Variants in LIG1 observed in about 807,000 individuals in gnomAD.
LIG1 encodes the protein ligase I, DNA, ATP-dependent.
Under a neutral mutation model 115.7 loss-of-function variants are expected in LIG1, and 70 were observed. That is an observed-to-expected ratio of 0.60 (90% CI 0.50 to 0.74). The LOEUF (loss-of-function observed/expected upper bound fraction) is 0.74. LIG1 is among the 30% of genes least tolerant of loss of function. LIG1 has a pLI of 0.00. For synonymous variants in LIG1, 487 were observed against 495.3 expected (o/e 0.98, Z 0.22); for missense variants, 1,115 against 1,225.6 (o/e 0.91, Z 1.35).
chr19:48,157,208 A>T, intron 4 of LIG1, 68 bp from the exon 5 acceptor site: 1 of 1,519,224 alleles, frequency 6.6e-7, no homozygotes, highest in Non-Finnish European at 8.9e-7. Flanking sequence ...AAAAGTTGAG[A>T]GTAGAGGGGA....
chr19:48,149,076 G>T (rs946196881), intron 9 of LIG1, among the ~76,000 whole-genome samples: 3 of 152,184 alleles, frequency 2.0e-5, no homozygotes, highest in Non-Finnish European at 4.4e-5. Context: ...TTGGGAGGCC[G>T]AGGTGGGTGG....
rs147157751 is a variant in LIG1 at position 48,157,749 on chromosome 19, G to A, written c.244-609C>T. Among the ~76,000 whole-genome samples the A allele has an allele frequency of 3.1e-4, 47 of 152,234 alleles. No homozygotes were observed. In the East Asian group the frequency reaches 8.5e-3, roughly 27 times the overall value. ...TTTTATAGAGATGGGGCTTCACCAC[G>A]TTGGCCAGGCTGGTCTCGAACTCCT... is the stretch of plus-strand genomic sequence containing the variant. On this transcript the variant is annotated intron_variant, in intron 4 of 27. Coordinates refer to ENST00000263274, the MANE Select transcript of LIG1 (RefSeq NM_000234.3).
chr19:48,121,163 CCAGGACCTTGCATATG>C lies in LIG1; in HGVS notation c.2376_2385+6del. The C allele has an allele frequency of 6.2e-7, 1 of 1,614,150 alleles. No individual in the cohort carries two copies. The highest frequency in any genetic ancestry group is 2.2e-5 in the East Asian group (1 of 44,866). On this transcript the variant is annotated splice_donor_variant and splice_donor_5th_base_variant and coding_sequence_variant and intron_variant, in exon 24 of 28. Coordinates refer to ENST00000263274, the MANE Select transcript of LIG1 (RefSeq NM_000234.3). LOFTEE classifies it high-confidence loss of function. ...TGCTTCTGCCATCAGCCCCAGTTCCCCAGGACCTTGCATATGGCCTGCAGCTCCTCACTGTCCTCGT... is the reference window on the plus strand; with the variant it reads ...TGCTTCTGCCATCAGCCCCAGTTCCCGCCTGCAGCTCCTCACTGTCCTCGT...
intron 18 of LIG1, among the ~76,000 whole-genome samples, chr19:48,132,684 G>A (rs918765967): frequency 2.0e-5 from 3 of 151,006 alleles, no homozygotes; most frequent in African/African-American, 7.3e-5. Context: ...CCAGCTACTT[G>A]GGAGGCTGAG....
chr19:48,156,938 CAAAAAAAAAAA>C lies in LIG1; in HGVS notation c.370+65_370+75del, dbSNP rs370802542. The C allele has an allele frequency of 5.9e-5, 36 of 611,010 alleles. No individual in the cohort carries two copies. In the East Asian group the frequency reaches 1.0e-3, roughly 18 times the overall value. The allele number at this position is 611,010 out of a possible 1,614,324, so 37.8% of individuals were successfully genotyped here. On this transcript the variant is annotated intron_variant, in intron 5 of 27. Transcript: ENST00000263274. ...TAGGCAACAGAGCGAGACTATGTCT[CAAAAAAAAAAA>C]AAAAAAAAAAAAAGAGAAAAAGAAA...
chr19:48,135,615 C>T (rs2034329689), intron 16 of LIG1, 65 bp downstream of exon 16: 1 of 1,309,774 alleles, frequency 7.6e-7, no homozygotes, highest in Non-Finnish European at 1.1e-6. Flanking sequence ...GCTCCTCTGG[C>T]TCCACCCCCA....
At position 48,140,070 on chromosome 19, in the gene LIG1, C is replaced by G; in HGVS notation, c.988G>C (p.Val330Leu). The G allele has an allele frequency of 6.2e-7, 1 of 1,614,020 alleles. No homozygotes were observed. The highest frequency in any genetic ancestry group is 1.3e-5 in the African/African-American group (1 of 75,044). Residue 330 changes from valine to leucine, a missense_variant, in exon 12 of 28, where the codon GTC (valine) becomes CTC (leucine). Physicochemically the swap from Val to Leu is conservative, Grantham distance 32. Coordinates refer to ENST00000263274, the MANE Select transcript of LIG1 (RefSeq NM_000234.3). ...VALSPPDLLP[V>L]LYLSLNHLGP... ...AGGTGGTTGAGGCTGAGGTAGAGGA[C>G]AGGGAGGAGGTCTGGAGGCGACAGG...
At chr19:48,120,839 G>A (rs1224280468) in intron 24 of LIG1, 2 of 755,922 alleles carry the variant, frequency 2.6e-6, no homozygotes, top group Non-Finnish European at 3.4e-6. Context: ...GGGAGAGGAG[G>A]AACCTGAATC....
At chr19:48,136,450 G>A (rs939445167) in intron 14 of LIG1, among the ~76,000 whole-genome samples, 12 of 152,124 alleles carry the variant, frequency 7.9e-5, no homozygotes, top group South Asian at 2.1e-4. Context: ...CCTGGCGCCC[G>A]CCCTGGTGAC....
At chr19:48,116,958 G>A (rs1026967051) in intron 26 of LIG1, among the ~76,000 whole-genome samples, 31 of 152,244 alleles carry the variant, frequency 2.0e-4, no homozygotes, top group African/African-American at 7.2e-4. Context: ...TCAACATGGT[G>A]AAACCCCGTC....
chr19:48,123,302 G>A lies in LIG1; in HGVS notation c.2021C>T (p.Pro674Leu), dbSNP rs768664854. The A allele has an allele frequency of 6.2e-7, 1 of 1,613,672 alleles. No individual in the cohort carries two copies. Among genetic ancestry groups the A allele is most frequent in the Non-Finnish European group, 8.5e-7 (1 of 1,179,960 alleles). The part of the protein sequence containing the change: ...YLNGESLVRE[P>L]LSRRRQLLRE... Reference sequence around the variant, plus strand: ...GAGCAGCTGCCGGCGCCGGGAAAGGGGCTCACGTACCAGGGACTGCAGGGC... The same window carrying A: ...GAGCAGCTGCCGGCGCCGGGAAAGGAGCTCACGTACCAGGGACTGCAGGGC... The change falls in exon 22 of 28, where the codon CCC becomes CTC. Residue 674 changes from proline to leucine, a missense_variant. Pro to Leu is a moderately conservative substitution (Grantham distance 98, BLOSUM62 -3). Coordinates refer to ENST00000263274, the MANE Select transcript of LIG1 (RefSeq NM_000234.3).
chr19:48,144,813 C>T (rs1331361976), intron 9 of LIG1, among the ~76,000 whole-genome samples: 1 of 152,110 alleles, frequency 6.6e-6, no homozygotes, highest in Non-Finnish European at 1.5e-5. Context: ...CAGAAGGGAC[C>T]TTTCTAACTT....
chr19:48,170,341 G>C lies in LIG1; in HGVS notation c.-158C>G, dbSNP rs745981830. 1.6e-5 allele frequency: 7 copies of C among 437,194 alleles called. No homozygotes were observed. The highest frequency in any genetic ancestry group is 3.2e-5 in the Non-Finnish European group (7 of 217,788). 27.1% of individuals were successfully genotyped at this position (437,194 alleles called of 1,614,324 possible). On this transcript the variant is annotated 5_prime_UTR_variant, in exon 1 of 28. Transcript: ENST00000263274. ...CGCGCCACGGCATTCGCGCGCAGAC[G>C]TCTGCGGGCGGGGGCGGGGCAGAGC...
Position 48,161,465 on chromosome 19 carries a change from G to A in LIG1, c.150C>T (p.Asp50=), listed in dbSNP as rs1310717431. Residue 50 remains aspartate (D), a synonymous_variant, in exon 4 of 28, where the codon GAC becomes GAT. Coordinates refer to ENST00000263274, the MANE Select transcript of LIG1 (RefSeq NM_000234.3). ...KEWNGVVSES[D]SPVKRPGRKA... ...TCCTCCCTGGCCTCTTCACCGGAGA[G>A]TCACTCTCGGACACCACTCCATTCC... The A allele has an allele frequency of 1.9e-6, 3 of 1,614,166 alleles. No homozygotes were observed. The highest frequency in any genetic ancestry group is 2.5e-6 in the Non-Finnish European group (3 of 1,180,030).
rs543697815 is a variant in LIG1 at position 48,148,202 on chromosome 19, G to T, written c.776+1561C>A. On this transcript the variant is annotated intron_variant, in intron 9 of 27. Transcript: ENST00000263274. ...CAGAAGCAGGGAGGAGGCTGGGTGT[G>T]GTGGCTCACGCCTGTAATCCCAGCA... is the stretch of plus-strand genomic sequence containing the variant. 9.8e-4 allele frequency among the ~76,000 whole-genome samples: 149 copies of T among 152,262 alleles called. 2 individuals are homozygous for T. The highest frequency in any genetic ancestry group is 3.7e-4 in the Non-Finnish European group (25 of 68,016).
At chr19:48,166,180 T>C (rs1236914559) in intron 1 of LIG1, among the ~76,000 whole-genome samples, 1 of 152,172 alleles carries the variant, frequency 6.6e-6, no homozygotes, top group African/African-American at 2.4e-5. Flanking sequence ...GTGGATCACT[T>C]GAGGTCAGGA....
intron 4 of LIG1, among the ~76,000 whole-genome samples, chr19:48,158,663 G>C (rs2035995368): frequency 6.6e-6 from 1 of 152,262 alleles, no homozygotes; most frequent in South Asian, 2.1e-4. Context: ...GGCACTGCAT[G>C]ACTGGAGGCA....
In LIG1 at chr19:48,149,945, G is replaced by A; in HGVS notation, c.698-104C>T. On this transcript the variant is annotated intron_variant, in intron 8 of 27. Transcript: ENST00000263274. Reference sequence around the variant, plus strand: ...CACCCCAGTGCTCAGGGAGATGGGAGACAGGCTGGTAGAGACAAGGCCGAC... The same window carrying A: ...CACCCCAGTGCTCAGGGAGATGGGAAACAGGCTGGTAGAGACAAGGCCGAC... 8.4e-6 allele frequency: 13 copies of A among 1,547,720 alleles called. No homozygotes were observed. The South Asian group carries it at 1.5e-4, about 18-fold the overall frequency.
intron 12 of LIG1, among the ~76,000 whole-genome samples, chr19:48,138,918 T>C (rs1177427265): frequency 6.6e-6 from 1 of 152,096 alleles, no homozygotes; most frequent in Non-Finnish European, 1.5e-5. Flanking sequence ...TTGAGTCTCA[T>C]CTCCTCTGGC....
Sources: allele counts gnomAD v4.1 joint callset (sites outside exome capture counted in the v4.1 genomes callset), GRCh38; gene constraint gnomAD v4.1.1; transcripts MANE v1.5; gene names NCBI Gene and HGNC (gene_info 2026-07-23, HGNC 2026-07-21).